The following LRRC9 variants were observed in gnomAD, a reference collection of about 807,000 sequenced individuals.
LRRC9 encodes the protein leucine rich repeat containing 9, also known as leucine-rich repeat-containing protein 9.
In LRRC9, 122 loss-of-function variants were observed where a neutral mutation model predicts 63.2. The ratio of observed to expected loss-of-function variants is 1.93; its 90% CI spans 1.67 to 2.24. The LOEUF (loss-of-function observed/expected upper bound fraction) is 2.24, where lower values mean the gene tolerates loss of function less well. LRRC9 is among the 30% of genes most tolerant of loss of function. The pLI is 0.00. For missense variants in LRRC9, 1,071 were observed against 627.7 expected (o/e 1.71, Z -7.55); for synonymous variants, 366 against 213.1 (o/e 1.72, Z -6.25).
At chr14:59,925,808 C>T (rs1464933117) in intron 1 of LRRC9, among the ~76,000 whole-genome samples, 1 of 152,086 alleles carries the variant, frequency 6.6e-6, no homozygotes, top group African/African-American at 2.4e-5. Context: ...GAATTTTGGT[C>T]TGTAATATGG....
chr14:59,966,544 A>C lies in LRRC9; in HGVS notation c.1212-45A>C. ...TCTGTTCTTAAACATTTTAAGGAAA[A>C]TCTATTATTTTCTTCATGTATATTC... On this transcript the variant is annotated intron_variant, in intron 10 of 31. Transcript: ENST00000445360. The surrounding 1 kb of genome is among the most constrained non-coding windows in gnomAD (Gnocchi z 4.0). 1.9e-6 allele frequency: 1 copy of C among 516,878 alleles called. No individual in the cohort carries two copies. The highest frequency in any genetic ancestry group is 3.3e-5 in the South Asian group (1 of 30,310). 32.0% of individuals were successfully genotyped at this position (516,878 alleles called of 1,614,324 possible).
At chr14:60,063,999 C>T (rs1414840532), downstream of LRRC9, among the ~76,000 whole-genome samples, 1 of 152,040 alleles carries the variant, frequency 6.6e-6, no homozygotes, top group Non-Finnish European at 1.5e-5. Flanking sequence ...TGTGGCTAAC[C>T]GTGGGTGCAA....
At chr14:60,023,364 G>A (rs1011198619) in intron 27 of LRRC9, among the ~76,000 whole-genome samples, 4 of 151,896 alleles carry the variant, frequency 2.6e-5, no homozygotes, top group African/African-American at 7.3e-5. Context: ...AGATTAGCTC[G>A]TCGGCATGTA....
At chr14:60,032,446 T>C (rs1287758093) in intron 29 of LRRC9, among the ~76,000 whole-genome samples, 1 of 152,146 alleles carries the variant, frequency 6.6e-6, no homozygotes, top group East Asian at 1.9e-4. Flanking sequence ...TTGGCTATTC[T>C]TGGCCCTTTA....
At chr14:59,967,358 A>C in intron 12 of LRRC9, 145 bp downstream of exon 12, 1 of 454,680 alleles carries the variant, frequency 2.2e-6, no homozygotes, top group Non-Finnish European at 3.9e-6. Flanking sequence ...GTTATCATGG[A>C]AAGTATAGCA....
At chr14:59,998,512 T>C (rs1889030921) in intron 18 of LRRC9, among the ~76,000 whole-genome samples, 1 of 152,044 alleles carries the variant, frequency 6.6e-6, no homozygotes, top group Admixed American at 6.6e-5. Context: ...AGTCCCAAGA[T>C]TATAAAGTCA....
chr14:59,975,127 GTATATATATATACATATATATATGTA>G (rs1886076400), intron 13 of LRRC9, among the ~76,000 whole-genome samples: 1 of 9,148 alleles, frequency 1.1e-4, no homozygotes, highest in East Asian at 3.4e-3. Flanking sequence ...ATATATATAT[GTATATATATATACATATATATATGTA>G]TATATATATA....
At chr14:60,050,196 A>C (rs1453302312) in intron 29 of LRRC9, among the ~76,000 whole-genome samples, 3 of 152,064 alleles carry the variant, frequency 2.0e-5, no homozygotes, top group African/African-American at 7.2e-5. Context: ...AGGTTTCACC[A>C]TGTTGGCCAG....
chr14:60,019,234 A>G, exon 26 of LRRC9: 1 of 695,558 alleles, frequency 1.4e-6, no homozygotes, highest in Non-Finnish European at 2.6e-6. Context: ...GTGGCTATGG[A>G]CAGCAAGGAA....
At position 59,938,561 on chromosome 14, in the gene LRRC9, G is replaced by A. The variant is rs553515353; in HGVS notation, c.715G>A (p.Glu239Lys). ...GGATGTGTCAGCAAAGCAAATCAAG[G>A]AACTGGCAGATGTAAGTACATCCCT... Residue 239 changes from glutamate (E) to lysine (K), a missense_variant, in exon 7 of 32, where the codon GAA becomes AAA. Physicochemically the swap from Glu to Lys is moderately conservative, Grantham distance 56. Transcript: ENST00000445360. This position sits in a 1 kb window ranked among gnomAD's most constrained non-coding sequence, Gnocchi z 4.2. The A allele has an allele frequency of 1.4e-6, 1 of 690,732 alleles. No individual in the cohort carries two copies. The highest frequency in any genetic ancestry group is 1.8e-5 in the African/African-American group (1 of 56,384). The allele number at this position is 690,732 out of a possible 1,614,324, so 42.8% of individuals were successfully genotyped here.
At chr14:59,940,765 T>A (rs1277003867) in intron 7 of LRRC9, among the ~76,000 whole-genome samples, 1 of 152,156 alleles carries the variant, frequency 6.6e-6, no homozygotes, top group African/African-American at 2.4e-5. Flanking sequence ...ATTCTGTTTA[T>A]GACTTTGAAT....
rs573346144 is a variant in LRRC9 at position 59,942,217 on chromosome 14, T to A, written c.727-2372T>A. ...GTGTGTGTGTAATGTGATATATATA[T>A]ATTACATTTTCTTTATCCATTCACC... On this transcript the variant is annotated intron_variant, in intron 7 of 31. Transcript: ENST00000445360. This position sits in a 1 kb window ranked among gnomAD's most constrained non-coding sequence, Gnocchi z 5.3. 2.6e-5 allele frequency among the ~76,000 whole-genome samples: 4 copies of A among 152,156 alleles called. No homozygotes were observed. In the South Asian group the frequency reaches 8.3e-4, roughly 31 times the overall value.
rs144928182 is a variant in LRRC9, at chr14:59,966,649, C to T, written c.1272C>T (p.Tyr424=). 756 of 694,130 alleles carry T rather than the reference C, an allele frequency of 1.1e-3. No homozygotes were observed. The highest frequency in any genetic ancestry group is 1.6e-3 in the Non-Finnish European group (607 of 380,614). The allele number at this position is 694,130 out of a possible 1,614,324, so 43.0% of individuals were successfully genotyped here. A position where few individuals can be genotyped will look rare whatever the true frequency, so the allele number is the denominator to read the frequency against. The change falls in exon 11 of 32, where the codon TAC becomes TAT. Residue 424 remains tyrosine (Y), a synonymous_variant. Coordinates refer to ENST00000445360, the Ensembl canonical transcript of LRRC9. This position sits in a 1 kb window ranked among gnomAD's most constrained non-coding sequence, Gnocchi z 4.0. ...TTTGTGCCTGGGACTTCAGAACATA[C>T]GGTATTACAGGAGTAAAAGTAAAAC...
chr14:60,005,975 C>T (rs941099449), intron 21 of LRRC9, among the ~76,000 whole-genome samples: 3 of 152,000 alleles, frequency 2.0e-5, no homozygotes, highest in Non-Finnish European at 2.9e-5. Flanking sequence ...TTAATACAAA[C>T]GATGCACTTT....
In LRRC9 at chr14:60,037,020, G is replaced by C. The variant is rs1204760061; in HGVS notation, c.3990+4957G>C. Among the ~76,000 whole-genome samples the C allele has an allele frequency of 2.1e-4, 32 of 152,026 alleles. 1 individual carries two copies. Among genetic ancestry groups the C allele is most frequent in the Non-Finnish European group, 1.5e-5 (1 of 68,010 alleles). On this transcript the variant is annotated intron_variant, in intron 29 of 31. Transcript: ENST00000445360. The stretch of plus-strand genomic sequence containing the variant: ...TATGAGTGAGAACATGTGGTGTTTG[G>C]TTTTCTGTCCTTGCGATAGTTTGCT...
chr14:59,949,423 C>T (rs1307108621), intron 8 of LRRC9, among the ~76,000 whole-genome samples: 73 of 149,114 alleles, frequency 4.9e-4, no homozygotes, highest in Non-Finnish European at 7.6e-4. Context: ...GTCTTGCTAG[C>T]GGTCTATCAA....
intron 8 of LRRC9, among the ~76,000 whole-genome samples, chr14:59,948,351 T>C (rs1329095391): frequency 5.5e-5 from 8 of 144,994 alleles, no homozygotes; most frequent in East Asian, 2.1e-4. Flanking sequence ...TTTTTGTACA[T>C]TAATTTTGTA....
chr14:59,935,918 C>T (rs1486705994), intron 6 of LRRC9, among the ~76,000 whole-genome samples: 1 of 152,192 alleles, frequency 6.6e-6, no homozygotes, highest in Non-Finnish European at 1.5e-5. Flanking sequence ...TAAGGCATTG[C>T]CCTGCCAAGA....
rs1211660782 is a variant in LRRC9, at chr14:59,966,913, A to G, written c.1388+148A>G. On this transcript the variant is annotated intron_variant, in intron 11 of 31. Coordinates refer to ENST00000445360, the Ensembl canonical transcript of LRRC9. This position sits in a 1 kb window ranked among gnomAD's most constrained non-coding sequence, Gnocchi z 4.0. ...TTATGCATCTCCCATGGCCAGGATG[A>G]CCTCATAATTTATCCACATTGAGCC... The G allele has an allele frequency of 3.6e-6, 2 of 553,948 alleles. No homozygotes were observed. Among genetic ancestry groups the G allele is most frequent in the Non-Finnish European group, 6.5e-6 (2 of 310,068 alleles). The allele number at this position is 553,948 out of a possible 1,614,324, so 34.3% of individuals were successfully genotyped here. A position where few individuals can be genotyped will look rare whatever the true frequency, so the allele number is the denominator to read the frequency against.
Sources: allele counts gnomAD v4.1 joint callset (sites outside exome capture counted in the v4.1 genomes callset), GRCh38; gene constraint gnomAD v4.1.1; non-coding constraint Gnocchi (gnomAD v3.1); transcripts MANE v1.5; gene names NCBI Gene and HGNC (gene_info 2026-07-23, HGNC 2026-07-21).